GALNT11: variants seen among roughly 807,000 people sequenced by gnomAD.
GALNT11 encodes the protein polypeptide N-acetylgalactosaminyltransferase 11.
In GALNT11, 47 loss-of-function variants were observed where a neutral mutation model predicts 72.7. The observed-to-expected ratio is 0.65, with a 90% CI of 0.51 to 0.82. GALNT11 has a LOEUF of 0.82. GALNT11 is among the 40% of genes least tolerant of loss of function. The probability of loss-of-function intolerance (pLI) is 0.00; values close to 1 mark genes in which losing one functional copy is unlikely to be tolerated. For synonymous variants in GALNT11, 270 were observed against 286.6 expected (o/e 0.94, Z 0.58); for missense variants, 677 against 778.4 (o/e 0.87, Z 1.55).
chr7:152,108,807 TTTTC>T (rs2087865141), intron 6 of GALNT11, among the ~76,000 whole-genome samples: 1 of 152,216 alleles, frequency 6.6e-6, no homozygotes, highest in Admixed American at 6.5e-5. Flanking sequence ...CTTATTTTTG[TTTTC>T]TTTAAAAATT....
intron 8 of GALNT11, among the ~76,000 whole-genome samples, chr7:152,115,605 CAT>C (rs2088760017): frequency 6.6e-6 from 1 of 152,194 alleles, no homozygotes. Context: ...ACTCACAAAC[CAT>C]AGTTACTCGT....
intron 1 of GALNT11, among the ~76,000 whole-genome samples, chr7:152,051,189 A>G (rs1163794690): frequency 1.1e-5 from 1 of 87,590 alleles, no homozygotes; most frequent in African/African-American, 4.0e-5. Flanking sequence ...TCCTAGAATT[A>G]TATCTGGTTG....
intron 1 of GALNT11, among the ~76,000 whole-genome samples, chr7:152,063,280 A>G (rs1270991328): frequency 4.6e-5 from 7 of 152,134 alleles, no homozygotes; most frequent in African/African-American, 1.7e-4. Context: ...CTCTGATGGT[A>G]GTTTGTATTT....
chr7:152,053,667 G>A (rs1447035659), intron 1 of GALNT11, among the ~76,000 whole-genome samples: 4 of 151,994 alleles, frequency 2.6e-5, no homozygotes, highest in African/African-American at 4.8e-5. Flanking sequence ...AACGGTTTCC[G>A]AGGCCCTCAT....
At position 152,076,517 on chromosome 7, in the gene GALNT11, T is replaced by G. The variant is rs2084990879; in HGVS notation, c.-38-17673T>G. 4.6e-5 allele frequency among the ~76,000 whole-genome samples: 7 copies of G among 152,204 alleles called. No homozygotes were observed. The South Asian group carries it at 1.4e-3, about 31-fold the overall frequency. On this transcript the variant is annotated intron_variant, in intron 1 of 11. Transcript: ENST00000430044. ...TTGTGCTGAGGAATTCTAGAGCCAG[T>G]GTAGCATACGTATGTCAGAGTTGTG... is the stretch of plus-strand genomic sequence containing the variant.
At chr7:152,046,698 T>A (rs1351599913) in intron 1 of GALNT11, among the ~76,000 whole-genome samples, 36 of 152,234 alleles carry the variant, frequency 2.4e-4, no homozygotes, top group Non-Finnish European at 1.5e-5. Context: ...AGGTTAAGTA[T>A]GTTTCTTGTA....
In GALNT11 at chr7:152,030,490, C is replaced by T. The variant is rs1281044241; in HGVS notation, c.-39+4606C>T. ...ATTAATGATATTCATATATAATCATCTCTATGATCTATATTTAGTATAACT... is the reference window on the plus strand; with the variant it reads ...ATTAATGATATTCATATATAATCATTTCTATGATCTATATTTAGTATAACT... On this transcript the variant is annotated intron_variant, in intron 1 of 11. Coordinates refer to ENST00000430044, the MANE Select transcript of GALNT11 (RefSeq NM_022087.4). 3.3e-5 allele frequency among the ~76,000 whole-genome samples: 5 copies of T among 152,306 alleles called. No individual in the cohort carries two copies. In the East Asian group the frequency reaches 7.7e-4, roughly 24 times the overall value.
intron 1 of GALNT11, among the ~76,000 whole-genome samples, chr7:152,070,180 T>G (rs777244751): frequency 7.9e-5 from 12 of 152,038 alleles, no homozygotes; most frequent in Non-Finnish European, 1.3e-4. Context: ...GTATTTTTAG[T>G]GGAGACAGGG....
At chr7:152,044,560 A>G (rs2083027045) in intron 1 of GALNT11, among the ~76,000 whole-genome samples, 2 of 152,214 alleles carry the variant, frequency 1.3e-5, no homozygotes, top group South Asian at 4.2e-4. Context: ...GCTATTGTAA[A>G]TGGGATTACT....
intron 1 of GALNT11, among the ~76,000 whole-genome samples, chr7:152,049,978 G>C (rs2083313605): frequency 6.6e-6 from 1 of 152,092 alleles, no homozygotes; most frequent in African/African-American, 2.4e-5. Context: ...AGTGAATGCT[G>C]CCAGGCCTGA....
At chr7:152,112,263 G>A (rs2088304603) in intron 7 of GALNT11, among the ~76,000 whole-genome samples, 1 of 152,144 alleles carries the variant, frequency 6.6e-6, no homozygotes, top group African/African-American at 2.4e-5. Flanking sequence ...TTTTGGCTGG[G>A]TCCATGGTGG....
At chr7:152,111,567 C>A (rs1337007145) in intron 7 of GALNT11, among the ~76,000 whole-genome samples, 1 of 151,808 alleles carries the variant, frequency 6.6e-6, no homozygotes, top group African/African-American at 2.4e-5. Context: ...GTACTTCATC[C>A]CTCACTCCTC....
chr7:152,026,372 G>A (rs949567768), intron 1 of GALNT11, among the ~76,000 whole-genome samples: 6 of 152,224 alleles, frequency 3.9e-5, no homozygotes, highest in African/African-American at 1.4e-4. Flanking sequence ...CTGCCCCTAA[G>A]TTTTGTTCCT....
intron 1 of GALNT11, among the ~76,000 whole-genome samples, chr7:152,084,685 A>G (rs1449399533): frequency 6.6e-6 from 1 of 152,150 alleles, no homozygotes; most frequent in Non-Finnish European, 1.5e-5. Flanking sequence ...AAGATTTCGC[A>G]TTGCACAGAA....
chr7:152,095,183 T>TAGAA (rs149530727), intron 2 of GALNT11, among the ~76,000 whole-genome samples: 9,877 of 152,154 alleles, frequency 0.065, 1,087 homozygotes, highest in African/African-American at 0.23. Flanking sequence ...AGTTATAAAA[T>TAGAA]AGCCCTTTTT....
chr7:152,120,801 T>C (rs769335173), intron 10 of GALNT11, 30 bp from the exon 11 acceptor site: 4 of 1,552,180 alleles, frequency 2.6e-6, no homozygotes, highest in Non-Finnish European at 3.5e-6. Flanking sequence ...AAATTCGTTA[T>C]CTAAATTTTA....
chr7:152,064,129 G>T (rs1438823329), intron 1 of GALNT11, among the ~76,000 whole-genome samples: 1 of 152,166 alleles, frequency 6.6e-6, no homozygotes, highest in Non-Finnish European at 1.5e-5. Context: ...CTTGCTTTAT[G>T]AATCTGGGTG....
chr7:152,101,049 T>C (rs2086839185), intron 3 of GALNT11, 128 bp downstream of exon 3: 1 of 1,255,622 alleles, frequency 8.0e-7, no homozygotes, highest in South Asian at 1.4e-5. Flanking sequence ...CTAGGAAACT[T>C]GAGACAGATT....
Position 152,093,975 on chromosome 7 carries a change from C to G in GALNT11, c.-38-215C>G, listed in dbSNP as rs370691536. 426 of 386,950 alleles carry G rather than the reference C, an allele frequency of 1.1e-3. 2 individuals carry two copies. The highest frequency in any genetic ancestry group is 7.9e-3 in the African/African-American group (383 of 48,272). 24.0% of individuals were successfully genotyped at this position (386,950 alleles called of 1,614,324 possible). ...ATGAATCAGTCAGCTATTTCACTGC[C>G]GTTGGTTCTCTGAGCATTAACCCAC... is the stretch of plus-strand genomic sequence containing the variant. On this transcript the variant is annotated intron_variant, in intron 1 of 11. Transcript: ENST00000430044.
Sources: allele counts gnomAD v4.1 joint callset (sites outside exome capture counted in the v4.1 genomes callset), GRCh38; gene constraint gnomAD v4.1.1; transcripts MANE v1.5; gene names NCBI Gene and HGNC (gene_info 2026-07-23, HGNC 2026-07-21).